Variants in RNGTT observed in about 807,000 individuals in gnomAD.
RNGTT encodes RNA guanylyltransferase and 5'-phosphatase.
A neutral mutation model predicts 79.3 loss-of-function variants in RNGTT; 33 were observed. The ratio of observed to expected loss-of-function variants is 0.42; its 90% confidence interval spans 0.32 to 0.56. The LOEUF (loss-of-function observed/expected upper bound fraction) is 0.56. Ranked by LOEUF, RNGTT falls within the 20% of genes least tolerant of loss-of-function variation. The probability of loss-of-function intolerance (pLI) is 0.17; values close to 1 mark genes in which losing one functional copy is unlikely to be tolerated. For missense variants in RNGTT, 497 were observed against 739.1 expected (o/e 0.67, Z 3.80); for synonymous variants, 222 against 235.9 (o/e 0.94, Z 0.54).
At chr6:88,749,777 T>C (rs887650399) in intron 13 of RNGTT, among the ~76,000 whole-genome samples, 17 of 152,158 alleles carry the variant, frequency 1.1e-4, no homozygotes, top group African/African-American at 4.1e-4. Flanking sequence ...CACAACAAAG[T>C]GGACGGCTTA....
At chr6:88,843,693 G>A (rs1781382804) in intron 11 of RNGTT, among the ~76,000 whole-genome samples, 1 of 150,486 alleles carries the variant, frequency 6.6e-6, no homozygotes, top group South Asian at 2.1e-4. Context: ...CGAGTAGCTG[G>A]GACTATAGAC....
At chr6:88,857,035 A>G (rs1284162836) in intron 8 of RNGTT, among the ~76,000 whole-genome samples, 1 of 152,146 alleles carries the variant, frequency 6.6e-6, no homozygotes, top group Non-Finnish European at 1.5e-5. Flanking sequence ...ATGCTAAAGT[A>G]TATAAACCAA....
At chr6:88,778,816 C>T (rs761131535) in intron 12 of RNGTT, among the ~76,000 whole-genome samples, 3 of 152,064 alleles carry the variant, frequency 2.0e-5, no homozygotes, top group African/African-American at 4.8e-5. Flanking sequence ...AACTGTGCCA[C>T]GTGTAAGAAA....
intron 11 of RNGTT, among the ~76,000 whole-genome samples, chr6:88,830,594 G>C (rs527916684): frequency 3.7e-4 from 56 of 150,336 alleles, no homozygotes; most frequent in Non-Finnish European, 7.7e-4. Context: ...AACTGAAGGA[G>C]AGAGAGAGAG....
In RNGTT at chr6:88,756,051, T is replaced by C. The variant is rs145465822; in HGVS notation, c.1439+13723A>G. ...AATAACAGAGAAATATATCTGATTA[T>C]GAATATAAGGAAAGGAAAGGTAACC... On this transcript the variant is annotated intron_variant, in intron 13 of 15. Transcript: ENST00000369485. Among the ~76,000 whole-genome samples the C allele has an allele frequency of 9.2e-3, 1,381 of 150,362 alleles. 19 individuals carry two copies. Among genetic ancestry groups the C allele is most frequent in the African/African-American group, 0.032 (1,296 of 40,830 alleles).
At chr6:88,890,954 C>A (rs559504712) in intron 7 of RNGTT, among the ~76,000 whole-genome samples, 1 of 151,990 alleles carries the variant, frequency 6.6e-6, no homozygotes, top group South Asian at 2.1e-4. Flanking sequence ...TATTCTAGAC[C>A]CCATATTTCC....
chr6:88,827,820 G>A lies in RNGTT; in HGVS notation c.1269+16537C>T, dbSNP rs191239684. The stretch of plus-strand genomic sequence containing the variant: ...CCCCACCTCAGCTCCACAAACTGCT[G>A]TAGCCGGACTGCCTCTCTAGATTCC... On this transcript the variant is annotated intron_variant, in intron 11 of 15. Transcript: ENST00000369485. 4.0e-3 allele frequency among the ~76,000 whole-genome samples: 606 copies of A among 152,304 alleles called. 3 individuals are homozygous for A. Among genetic ancestry groups the A allele is most frequent in the Non-Finnish European group, 6.4e-3 (437 of 68,024 alleles).
intron 4 of RNGTT, among the ~76,000 whole-genome samples, chr6:88,927,970 C>T (rs113213230): frequency 5.3e-5 from 8 of 151,950 alleles, no homozygotes; most frequent in African/African-American, 1.7e-4. Flanking sequence ...TTTGAGAGGC[C>T]GTGGCAAGAG....
intron 14 of RNGTT, among the ~76,000 whole-genome samples, chr6:88,673,659 G>GGATT (rs1774739725): frequency 1.3e-5 from 2 of 152,114 alleles, no homozygotes; most frequent in South Asian, 4.1e-4. Flanking sequence ...CAGGCATAAA[G>GGATT]GATTGACAAA....
intron 14 of RNGTT, among the ~76,000 whole-genome samples, chr6:88,657,727 G>A (rs1383477958): frequency 1.3e-5 from 2 of 152,154 alleles, no homozygotes; most frequent in Non-Finnish European, 2.9e-5. Flanking sequence ...GTGGGGCACA[G>A]TGGGAGGAAG....
intron 13 of RNGTT, among the ~76,000 whole-genome samples, chr6:88,703,204 G>A (rs1004074030): frequency 6.6e-6 from 1 of 152,144 alleles, no homozygotes; most frequent in Non-Finnish European, 1.5e-5. Context: ...TACTGGGGAT[G>A]TATCCAAAGA....
In RNGTT at chr6:88,662,505, G is replaced by A. The variant is rs543240844; in HGVS notation, c.1506+15848C>T. ...TTGGGGAGCTCAGATCATGAGATGC[G>A]AGTCTACCAATGCTCCCAGCTGATT... On this transcript the variant is annotated intron_variant, in intron 14 of 15. Transcript: ENST00000369485. Among the ~76,000 whole-genome samples, 8 of 152,326 alleles carry A rather than the reference G, an allele frequency of 5.3e-5. No individual in the cohort carries two copies. In the South Asian group the frequency reaches 6.2e-4, roughly 12 times the overall value.
chr6:88,730,617 G>A (rs1014317289), intron 13 of RNGTT, among the ~76,000 whole-genome samples: 7 of 152,238 alleles, frequency 4.6e-5, no homozygotes, highest in African/African-American at 7.2e-5. Flanking sequence ...GACAGCAGGC[G>A]GAGCTCAGGC....
chr6:88,695,374 A>G (rs987027421), intron 13 of RNGTT, among the ~76,000 whole-genome samples: 1 of 152,234 alleles, frequency 6.6e-6, no homozygotes, highest in Non-Finnish European at 1.5e-5. Flanking sequence ...TTCTCAAAAG[A>G]CAACATACAA....
chr6:88,743,403 C>G (rs1777560279), intron 13 of RNGTT, among the ~76,000 whole-genome samples: 1 of 151,964 alleles, frequency 6.6e-6, no homozygotes, highest in Admixed American at 6.6e-5. Context: ...TAATGTCATA[C>G]AACCATCACC....
chr6:88,843,287 C>A (rs1781363509), intron 11 of RNGTT, among the ~76,000 whole-genome samples: 1 of 151,990 alleles, frequency 6.6e-6, no homozygotes, highest in African/African-American at 2.4e-5. Context: ...ATTCTACTTA[C>A]CCTGAAGAAA....
intron 13 of RNGTT, among the ~76,000 whole-genome samples, chr6:88,743,132 A>C (rs964687310): frequency 2.0e-5 from 3 of 152,194 alleles, no homozygotes; most frequent in Non-Finnish European, 1.5e-5. Flanking sequence ...CACTCAAATA[A>C]AACACTGTAT....
intron 13 of RNGTT, among the ~76,000 whole-genome samples, chr6:88,691,106 T>A (rs923714885): frequency 6.6e-6 from 1 of 152,182 alleles, no homozygotes. Context: ...TCCCCAATGT[T>A]GGAGGAGGGG....
intron 13 of RNGTT, among the ~76,000 whole-genome samples, chr6:88,706,041 A>G (rs1415563293): frequency 1.8e-4 from 27 of 152,042 alleles, no homozygotes; most frequent in Admixed American, 1.8e-3. Flanking sequence ...CAATAAAGAG[A>G]CTTCAGTTAA....
Sources: gnomAD v4.1 joint callset for allele counts (sites outside exome capture counted in the v4.1 genomes callset) on GRCh38, gnomAD v4.1.1 for gene constraint, MANE v1.5 for transcripts, NCBI Gene and HGNC (gene_info 2026-07-23, HGNC 2026-07-21) for gene names.